Variants in TIMP3 observed in about 807,000 individuals in gnomAD.
TIMP3 encodes TIMP metallopeptidase inhibitor 3.
In TIMP3, 11 loss-of-function variants were observed where a neutral mutation model predicts 30.0. The ratio of observed to expected loss-of-function variants is 0.37; its 90% confidence interval spans 0.23 to 0.61. TIMP3 has a LOEUF of 0.61. Ranked by LOEUF, TIMP3 falls within the 20% of genes least tolerant of loss-of-function variation. The probability of loss-of-function intolerance (pLI) is 0.70; values close to 1 mark genes in which losing one functional copy is unlikely to be tolerated. For synonymous variants in TIMP3, 112 were observed against 111.3 expected (o/e 1.01, Z -0.04); for missense variants, 181 against 276.8 (o/e 0.65, Z 2.45).
chr22:32,838,697 AACTCTATGGAACAAGG>A (rs2047806953), intron 1 of TIMP3, among the ~76,000 whole-genome samples: 1 of 151,928 alleles, frequency 6.6e-6, no homozygotes, highest in Non-Finnish European at 1.5e-5. Context: ...TTTTCTGAGT[AACTCTATGGAACAAGG>A]ACTCCTGACC....
rs543402849 is a variant in TIMP3 at position 32,826,343 on chromosome 22, C to T, written c.122-23109C>T. Among the ~76,000 whole-genome samples, 24 of 152,188 alleles carry T rather than the reference C, an allele frequency of 1.6e-4. 1 individual carries two copies. In the South Asian group the frequency reaches 4.2e-3, roughly 26 times the overall value. On this transcript the variant is annotated intron_variant, in intron 1 of 4. Transcript: ENST00000266085. ...ATTCAGGAGGCTGAGGCAGGAGAATCGCTTGAACCCGGGAGGCGGAGGTTG... is the reference window on the plus strand; with the variant it reads ...ATTCAGGAGGCTGAGGCAGGAGAATTGCTTGAACCCGGGAGGCGGAGGTTG...
chr22:32,844,718 T>C (rs2048012600), intron 1 of TIMP3, among the ~76,000 whole-genome samples: 1 of 151,944 alleles, frequency 6.6e-6, no homozygotes, highest in South Asian at 2.1e-4. Flanking sequence ...CTTCCTTTTT[T>C]TTTTTTGCTG....
intron 1 of TIMP3, among the ~76,000 whole-genome samples, chr22:32,814,351 G>GAGAA (rs940671309): frequency 1.7e-3 from 25 of 14,584 alleles, no homozygotes; most frequent in East Asian, 5.2e-3. Context: ...GAAAGAAAGA[G>GAGAA]AGAAAGAAAG....
rs1262743592 is a variant in TIMP3, at chr22:32,838,088, T to G, written c.122-11364T>G. Among the ~76,000 whole-genome samples the G allele has an allele frequency of 2.0e-5, 3 of 152,208 alleles. No individual in the cohort carries two copies. The East Asian group carries it at 5.8e-4, about 29-fold the overall frequency. On this transcript the variant is annotated intron_variant, in intron 1 of 4. Coordinates refer to ENST00000266085, the MANE Select transcript of TIMP3 (RefSeq NM_000362.5). ...CCTGGACTATAACTCCCTGTCTTCT[T>G]GTCTCACAAGAGTAAAATAAGCTTC...
At chr22:32,836,754 C>T (rs2047743015) in intron 1 of TIMP3, among the ~76,000 whole-genome samples, 1 of 152,118 alleles carries the variant, frequency 6.6e-6, no homozygotes. Context: ...TGGGTGTCCA[C>T]AACCTTACAG....
intron 1 of TIMP3, among the ~76,000 whole-genome samples, chr22:32,835,013 G>A (rs1056220410): frequency 4.6e-5 from 7 of 152,306 alleles, no homozygotes; most frequent in Admixed American, 1.3e-4. Context: ...GTCAGTCTTG[G>A]TCTGATTGCT....
At position 32,858,089 on chromosome 22, in the gene TIMP3, C is replaced by G. The variant is rs763814473; in HGVS notation, c.389C>G (p.Ser130Cys). The G allele has an allele frequency of 6.2e-7, 1 of 1,614,214 alleles. No individual in the cohort carries two copies. Among genetic ancestry groups the G allele is most frequent in the Non-Finnish European group, 8.5e-7 (1 of 1,180,042 alleles). ...GAGAGGTGGGACCAGCTCACCCTCT[C>G]CCAGCGCAAGGGGCTGAACTATCGG... is the stretch of plus-strand genomic sequence containing the variant. ...FVERWDQLTL[S>C]QRKGLNYRYH... The change falls in exon 4 of 5, where the codon TCC becomes TGC. Residue 130 changes from serine (S) to cysteine (C), a missense_variant. This residue lies in a region of TIMP3 where 63 missense variants were observed against 133.3 expected (regional missense o/e 0.47). Coordinates refer to ENST00000266085, the MANE Select transcript of TIMP3 (RefSeq NM_000362.5).
intron 1 of TIMP3, among the ~76,000 whole-genome samples, chr22:32,816,783 C>T (rs135026): frequency 0.9 from 136,860 of 152,148 alleles, 61,722 homozygotes; most frequent in Middle Eastern, 0.94. Context: ...GAATTAAGGT[C>T]GCTTCCCTGG....
intron 1 of TIMP3, among the ~76,000 whole-genome samples, chr22:32,814,099 G>A (rs1378389820): frequency 7.7e-6 from 1 of 130,538 alleles, no homozygotes; most frequent in Non-Finnish European, 1.6e-5. Flanking sequence ...GCCTTTCCAG[G>A]CAATACTCGT....
At chr22:32,836,360 T>C (rs921905157) in intron 1 of TIMP3, among the ~76,000 whole-genome samples, 8 of 152,228 alleles carry the variant, frequency 5.3e-5, no homozygotes, top group African/African-American at 1.7e-4. Flanking sequence ...TCTCCTTCTT[T>C]ATCAATGACT....
chr22:32,808,426 C>T (rs1029448295), intron 1 of TIMP3, among the ~76,000 whole-genome samples: 1 of 152,106 alleles, frequency 6.6e-6, no homozygotes, highest in Non-Finnish European at 1.5e-5. Context: ...GCTGGGTGGA[C>T]CCCAGCCAAG....
intron 1 of TIMP3, among the ~76,000 whole-genome samples, chr22:32,808,774 T>C (rs1239261122): frequency 6.6e-6 from 1 of 152,186 alleles, no homozygotes; most frequent in Non-Finnish European, 1.5e-5. Flanking sequence ...ACCTTGCCCA[T>C]ATTTTAAGCA....
intron 4 of TIMP3, among the ~76,000 whole-genome samples, chr22:32,858,492 C>T (rs1224159658): frequency 1.3e-5 from 2 of 152,106 alleles, no homozygotes; most frequent in East Asian, 3.9e-4. Flanking sequence ...TTCAAGTGGG[C>T]TCACCCTGGT....
chr22:32,830,662 C>G (rs947216547), intron 1 of TIMP3, among the ~76,000 whole-genome samples: 2 of 152,094 alleles, frequency 1.3e-5, no homozygotes, highest in Non-Finnish European at 2.9e-5. Context: ...ACAGGGCCAC[C>G]CCCCCGCCCC....
intron 1 of TIMP3, among the ~76,000 whole-genome samples, chr22:32,826,429 AAAAT>A (rs566442496): frequency 1.3e-5 from 2 of 152,082 alleles, no homozygotes; most frequent in Admixed American, 6.5e-5. Context: ...CTCCGTCTCA[AAAAT>A]AAATAAATAA....
chr22:32,805,077 C>G (rs1406841028), intron 1 of TIMP3, among the ~76,000 whole-genome samples: 1 of 152,082 alleles, frequency 6.6e-6, no homozygotes, highest in Non-Finnish European at 1.5e-5. Context: ...GCTGGCAGGG[C>G]TGAGGGGGGT....
At position 32,859,752 on chromosome 22, in the gene TIMP3, C is replaced by T. The variant is rs2048484060; in HGVS notation, c.*375C>T. ...CCCACCCCTCTTGCTTCTTCCCCAC[C>T]TCACCATCTCCCAGACCCTCTTCCC... On this transcript the variant is annotated 3_prime_UTR_variant, in exon 5 of 5. Transcript: ENST00000266085. 1 of 273,348 alleles carries T rather than the reference C, an allele frequency of 3.7e-6. No individual in the cohort carries two copies. Among genetic ancestry groups the T allele is most frequent in the African/African-American group, 2.3e-5 (1 of 44,254 alleles). 16.9% of individuals were successfully genotyped at this position (273,348 alleles called of 1,614,324 possible).
intron 2 of TIMP3, among the ~76,000 whole-genome samples, chr22:32,856,263 G>A (rs1007593758): frequency 2.8e-5 from 4 of 143,254 alleles, no homozygotes; most frequent in Admixed American, 2.8e-4. Flanking sequence ...CTGAAAAGGT[G>A]CTGGGATGTC....
At chr22:32,820,879 T>G (rs182698737) in intron 1 of TIMP3, among the ~76,000 whole-genome samples, 1 of 152,224 alleles carries the variant, frequency 6.6e-6, no homozygotes, top group Non-Finnish European at 1.5e-5. Flanking sequence ...GAGCAGAGTT[T>G]GCCAGATATT....
Sources: allele counts gnomAD v4.1 joint callset (sites outside exome capture counted in the v4.1 genomes callset), GRCh38; gene constraint gnomAD v4.1.1; regional missense constraint gnomAD v4.1.1; transcripts MANE v1.5; gene names NCBI Gene and HGNC (gene_info 2026-07-23, HGNC 2026-07-21).